The following PPP2R1B variants were observed in gnomAD, a reference collection of about 807,000 sequenced individuals.
PPP2R1B encodes the protein protein phosphatase 2 scaffold subunit Abeta.
In PPP2R1B, 58 loss-of-function variants were observed where a neutral mutation model predicts 72.7. The ratio of observed to expected loss-of-function variants is 0.80; its 90% CI spans 0.65 to 0.99. The LOEUF is 0.99. Among genes scored for constraint, PPP2R1B ranks in the 50% least tolerant of loss-of-function variants. The pLI, the probability that PPP2R1B is intolerant of heterozygous loss-of-function variation, is 0.00. For missense variants in PPP2R1B, 695 were observed against 733.6 expected (o/e 0.95, Z 0.61); for synonymous variants, 256 against 264.6 (o/e 0.97, Z 0.32).
chr11:111,742,147 G>A lies in PPP2R1B; in HGVS notation c.1698-3C>T. The A allele has an allele frequency of 2.5e-6, 4 of 1,608,040 alleles. No homozygotes were observed. Among genetic ancestry groups the A allele is most frequent in the Non-Finnish European group, 3.4e-6 (4 of 1,174,826 alleles). ...GCTTCACTTCTCCCTGTAAAGCACT[G>A]ACATTCAAAAGTATTATCTGTGAAA... On this transcript the variant is annotated splice_polypyrimidine_tract_variant and splice_region_variant and intron_variant, in intron 13 of 14. Coordinates refer to ENST00000527614, the MANE Select transcript of PPP2R1B (RefSeq NM_002716.5).
rs1944447164 is a variant in PPP2R1B, at chr11:111,739,466, C to T, written c.*2130G>A. Reference sequence around the variant, plus strand: ...CTCTATTGCTTAAGTCAGAAGGAAACAATGAAACCCCTGAGGGGTCACCAC... The same window carrying T: ...CTCTATTGCTTAAGTCAGAAGGAAATAATGAAACCCCTGAGGGGTCACCAC... On this transcript the variant is annotated 3_prime_UTR_variant, in exon 15 of 15. Coordinates refer to ENST00000527614, the MANE Select transcript of PPP2R1B (RefSeq NM_002716.5). 1 of 985,214 alleles carries T rather than the reference C, an allele frequency of 1.0e-6. No homozygotes were observed. The highest frequency in any genetic ancestry group is 1.2e-6 in the Non-Finnish European group (1 of 829,906). The allele number at this position is 985,214 out of a possible 1,614,324, so 61.0% of individuals were successfully genotyped here.
At chr11:111,742,787 G>A in intron 12 of PPP2R1B, 122 bp from the exon 13 acceptor site, 1 of 844,596 alleles carries the variant, frequency 1.2e-6, no homozygotes, top group Non-Finnish European at 1.7e-6. Flanking sequence ...AGTTTGAGCA[G>A]CTGAGTGGGG....
downstream of PPP2R1B, chr11:111,737,400 C>T (rs371435612): frequency 4.5e-5 from 72 of 1,613,324 alleles, no homozygotes; most frequent in African/African-American, 9.3e-4. Context: ...ACCCTGGCTG[C>T]CCGCAGCCCT....
In PPP2R1B at chr11:111,755,524, G is replaced by T. The variant is rs551062423; in HGVS notation, c.688-74C>A. 1,700 of 1,372,178 alleles carry T rather than the reference G, an allele frequency of 1.2e-3. 16 individuals carry two copies. The Middle Eastern group carries it at 0.027, about 22-fold the overall frequency. The allele number at this position is 1,372,178 out of a possible 1,614,324, so 85.0% of individuals were successfully genotyped here. On this transcript the variant is annotated intron_variant, in intron 5 of 14. Transcript: ENST00000527614. ...GGAACTGCTGTGGGGTGGTGCAGGT[G>T]TTTAAAAAAATTAACACCACCAAGA... is the stretch of plus-strand genomic sequence containing the variant.
the PPP2R1B span, among the ~76,000 whole-genome samples, chr11:111,694,912 G>A: frequency 1.3e-5 from 2 of 152,054 alleles, no homozygotes; most frequent in African/African-American, 4.8e-5. Flanking sequence ...GTCTTACATT[G>A]GTCAGCAGGA....
At chr11:111,688,296 T>C in the PPP2R1B span, 1 of 833,030 alleles carries the variant, frequency 1.2e-6, no homozygotes, top group Non-Finnish European at 1.9e-6. This position sits in a 1 kb window ranked among gnomAD's most constrained non-coding sequence, Gnocchi z 4.2. Context: ...GTCCATTTTA[T>C]TCATTTCCTT....
At chr11:111,721,016 C>A in the PPP2R1B span, 1 of 1,614,066 alleles carries the variant, frequency 6.2e-7, no homozygotes, top group Non-Finnish European at 8.5e-7. Context: ...CCTAACCTGG[C>A]GCCGGCGGCT....
the PPP2R1B span, chr11:111,720,610 A>T: frequency 6.2e-7 from 1 of 1,614,116 alleles, no homozygotes; most frequent in Non-Finnish European, 8.5e-7. Flanking sequence ...TTAGCCAATC[A>T]GCCTTCACCC....
chr11:111,723,361 C>A, downstream of PPP2R1B: 1 of 937,556 alleles, frequency 1.1e-6, no homozygotes, highest in Non-Finnish European at 1.6e-6. Flanking sequence ...AATTGGTTCC[C>A]ATTCCCACTT....
At chr11:111,718,308 C>G in the PPP2R1B span, among the ~76,000 whole-genome samples, 5 of 152,132 alleles carry the variant, frequency 3.3e-5, no homozygotes, top group Admixed American at 1.3e-4. Context: ...GCCATTCTTT[C>G]TTGCAAGGAA....
the PPP2R1B span, among the ~76,000 whole-genome samples, chr11:111,713,937 A>G: frequency 6.6e-6 from 1 of 152,236 alleles, no homozygotes; most frequent in Non-Finnish European, 1.5e-5. Context: ...ATTGCATGCC[A>G]GCCCAGGCGA....
the PPP2R1B span, among the ~76,000 whole-genome samples, chr11:111,689,705 G>GGT: frequency 6.6e-6 from 1 of 152,100 alleles, no homozygotes; most frequent in Non-Finnish European, 1.5e-5. Flanking sequence ...TAGCTTCCTC[G>GGT]GTTTGCTGTA....
At position 111,739,516 on chromosome 11, in the gene PPP2R1B, C is replaced by T; in HGVS notation, c.*2080G>A. 1.0e-6 allele frequency: 1 copy of T among 985,422 alleles called. No individual in the cohort carries two copies. The highest frequency in any genetic ancestry group is 1.2e-6 in the Non-Finnish European group (1 of 829,954). 61.0% of individuals were successfully genotyped at this position (985,422 alleles called of 1,614,324 possible). The stretch of plus-strand genomic sequence containing the variant: ...CAAAAGACAGAGGCCCCGCTGAACC[C>T]CCGACCCATGCTTGAGAAAGCCAGG... On this transcript the variant is annotated 3_prime_UTR_variant, in exon 15 of 15. Transcript: ENST00000527614.
the PPP2R1B span, chr11:111,700,890 C>T: frequency 3.1e-6 from 5 of 1,613,628 alleles, no homozygotes; most frequent in South Asian, 1.1e-5. Flanking sequence ...TAATAGATTT[C>T]GGTTTTGGAA....
At chr11:111,742,418 TAA>T (rs1944554784) in intron 13 of PPP2R1B, 103 bp downstream of exon 13, 21 of 1,292,996 alleles carry the variant, frequency 1.6e-5, no homozygotes, top group Non-Finnish European at 2.2e-5. Context: ...ACCCAGATCT[TAA>T]GTAAAGTGAA....
chr11:111,742,021 T>A (rs1349071901), intron 14 of PPP2R1B, 32 bp downstream of exon 14: 2 of 1,545,446 alleles, frequency 1.3e-6, no homozygotes, highest in Non-Finnish European at 1.8e-6. Flanking sequence ...AACCAAGGCA[T>A]AAGCTGCAAG....
At chr11:111,749,235 G>A (rs1165627960) in intron 10 of PPP2R1B, among the ~76,000 whole-genome samples, 1 of 152,146 alleles carries the variant, frequency 6.6e-6, no homozygotes, top group Non-Finnish European at 1.5e-5. Flanking sequence ...ATTTCAGGTT[G>A]AGAATTTTCC....
At position 111,738,882 on chromosome 11, in the gene PPP2R1B, T is replaced by TTTTG. The variant is rs544205885; in HGVS notation, c.*2713_*2714insCAAA. The TTTTG allele has an allele frequency of 1.2e-6, 1 of 829,486 alleles. No individual in the cohort carries two copies. The highest frequency in any genetic ancestry group is 1.4e-6 in the Non-Finnish European group (1 of 695,692). The allele number at this position is 829,486 out of a possible 1,614,324, so 51.4% of individuals were successfully genotyped here. ...ATTTTTATTGGCATAGGTTATATGT[T>TTTTG]TGTGTGTGTGTGTGTGTGTGTGTGT... On this transcript the variant is annotated 3_prime_UTR_variant, in exon 15 of 15. Transcript: ENST00000527614.
downstream of PPP2R1B, chr11:111,737,406 G>A (rs753041339): frequency 3.1e-6 from 5 of 1,613,728 alleles, no homozygotes; most frequent in Admixed American, 5.0e-5. Flanking sequence ...GCTGCCCGCA[G>A]CCCTGAGGGC....
Sources: gnomAD v4.1 joint callset for allele counts (sites outside exome capture counted in the v4.1 genomes callset) on GRCh38, gnomAD v4.1.1 for gene constraint, Gnocchi (gnomAD v3.1) non-coding constraint, MANE v1.5 for transcripts, NCBI Gene and HGNC (gene_info 2026-07-23, HGNC 2026-07-21) for gene names.